DENND1A: variants seen among roughly 807,000 people sequenced by gnomAD.
The protein encoded by DENND1A is DENN domain containing 1A.
Under a neutral mutation model 113.7 loss-of-function variants are expected in DENND1A, and 51 were observed. The observed-to-expected ratio is 0.45, with a 90% confidence interval of 0.36 to 0.57. The LOEUF (loss-of-function observed/expected upper bound fraction) is 0.57. Among genes scored for constraint, DENND1A ranks in the 20% least tolerant of loss-of-function variants. The pLI is 0.00. For missense variants in DENND1A, 1,258 were observed against 1,395.9 expected (o/e 0.90, Z 1.57); for synonymous variants, 565 against 570.8 (o/e 0.99, Z 0.14).
At chr9:123,411,222 T>A (rs1156760986) in intron 20 of DENND1A, 2 of 152,076 alleles carry the variant, frequency 1.3e-5, no homozygotes, top group Non-Finnish European at 2.9e-5. Context: ...GCCTCCTGAG[T>A]AGCTAGGACT....
chr9:123,878,467 T>G lies in DENND1A; in HGVS notation c.88+484A>C, dbSNP rs147464358. Among the ~76,000 whole-genome samples the G allele has an allele frequency of 1.8e-3, 278 of 152,274 alleles. 1 individual carries two copies. Among genetic ancestry groups the G allele is most frequent in the Non-Finnish European group, 3.3e-3 (223 of 68,010 alleles). Reference sequence around the variant, plus strand: ...CAAAAGCTAAAGCCAGAGGAGGTGTTTCCTTCAACTAATTTTCAACCTTCT... The same window carrying G: ...CAAAAGCTAAAGCCAGAGGAGGTGTGTCCTTCAACTAATTTTCAACCTTCT... On this transcript the variant is annotated intron_variant, in intron 2 of 23. Transcript: ENST00000394215.
intron 2 of DENND1A, among the ~76,000 whole-genome samples, chr9:123,837,923 C>A (rs16926895): frequency 0.11 from 17,047 of 152,174 alleles, 1,066 homozygotes; most frequent in Admixed American, 0.13. Context: ...TCCTATGAAA[C>A]CTCTATGATG....
At chr9:123,582,645 C>T (rs1030372638) in intron 12 of DENND1A, among the ~76,000 whole-genome samples, 3 of 151,948 alleles carry the variant, frequency 2.0e-5, no homozygotes, top group Non-Finnish European at 2.9e-5. Flanking sequence ...ATGATCTGCC[C>T]GCCTTGGCCT....
chr9:123,401,904 A>G (rs1034952200), intron 21 of DENND1A: 1 of 1,614,004 alleles, frequency 6.2e-7, no homozygotes, highest in African/African-American at 1.3e-5. Context: ...TGGTGTTGCA[A>G]TGGTGTTTCT....
chr9:123,468,048 G>T lies in DENND1A; in HGVS notation c.994-10151C>A, dbSNP rs532977467. ...TAAATGTCTCCACCAACCACCACCTGTACCCAGGTGGACTGTCCCCAGCAC... is the reference window on the plus strand; with the variant it reads ...TAAATGTCTCCACCAACCACCACCTTTACCCAGGTGGACTGTCCCCAGCAC... On this transcript the variant is annotated intron_variant, in intron 13 of 23. Transcript: ENST00000394215. Among the ~76,000 whole-genome samples the T allele has an allele frequency of 1.3e-3, 194 of 152,194 alleles. 1 individual carries two copies. Among genetic ancestry groups the T allele is most frequent in the African/African-American group, 4.1e-3 (171 of 41,524 alleles).
chr9:123,921,369 A>G (rs1047548368), intron 1 of DENND1A, among the ~76,000 whole-genome samples: 1 of 152,190 alleles, frequency 6.6e-6, no homozygotes, highest in African/African-American at 2.4e-5. Flanking sequence ...GGGAGAATGT[A>G]TAGTTCTGGG....
At chr9:123,678,540 T>C (rs2064239886) in intron 5 of DENND1A, among the ~76,000 whole-genome samples, 1 of 152,250 alleles carries the variant, frequency 6.6e-6, no homozygotes, top group East Asian at 1.9e-4. Flanking sequence ...AGATGTGATA[T>C]CCTGCCAGGG....
At chr9:123,409,812 C>T (rs1357555067) in intron 20 of DENND1A, among the ~76,000 whole-genome samples, 1 of 152,148 alleles carries the variant, frequency 6.6e-6, no homozygotes, top group Non-Finnish European at 1.5e-5. Context: ...GAACCGTTGG[C>T]CGGGTGCGGT....
chr9:123,893,422 C>T (rs2536950), intron 1 of DENND1A, among the ~76,000 whole-genome samples: 13,141 of 152,234 alleles, frequency 0.086, 958 homozygotes, highest in African/African-American at 0.2. Flanking sequence ...GCAGGACATG[C>T]GATGCAAGAC....
intron 18 of DENND1A, among the ~76,000 whole-genome samples, chr9:123,446,836 G>A (rs1182840511): frequency 6.6e-6 from 1 of 152,078 alleles, no homozygotes; most frequent in African/African-American, 2.4e-5. Flanking sequence ...AAAAAGAAAA[G>A]AAGAAGATCA....
chr9:123,641,966 A>G (rs61119065), intron 9 of DENND1A, among the ~76,000 whole-genome samples: 14,557 of 152,194 alleles, frequency 0.096, 1,554 homozygotes, highest in African/African-American at 0.27. Context: ...ATCACTGACA[A>G]TCTGAATCCT....
Position 123,671,430 on chromosome 9 carries a change from T to C in DENND1A, c.373-59A>G, listed in dbSNP as rs542830897. The C allele has an allele frequency of 1.0e-4, 156 of 1,551,866 alleles. 2 individuals carry two copies. In the South Asian group the frequency reaches 1.7e-3, roughly 17 times the overall value. On this transcript the variant is annotated intron_variant, in intron 6 of 23. Transcript: ENST00000394215. Reference sequence around the variant, plus strand: ...AAGGCTGAGCCCTTAGTAAGATACCTGCAGGGAGGTCTGGGCACACATGAC... The same window carrying C: ...AAGGCTGAGCCCTTAGTAAGATACCCGCAGGGAGGTCTGGGCACACATGAC...
intron 5 of DENND1A, among the ~76,000 whole-genome samples, chr9:123,698,200 G>A (rs2065646725): frequency 6.6e-6 from 1 of 152,164 alleles, no homozygotes; most frequent in African/African-American, 2.4e-5. Flanking sequence ...AAAGTCCAAA[G>A]AACAAACCAA....
chr9:123,825,220 T>A (rs1839121116), intron 2 of DENND1A, among the ~76,000 whole-genome samples: 1 of 151,474 alleles, frequency 6.6e-6, no homozygotes, highest in Non-Finnish European at 1.5e-5. Flanking sequence ...AATACTACTA[T>A]ACATACATAA....
rs558378738 is a variant in DENND1A at position 123,382,444 on chromosome 9, C to G, written c.2201G>C (p.Arg734Thr). The G allele has an allele frequency of 6.2e-7, 1 of 1,611,326 alleles. No individual in the cohort carries two copies. Among genetic ancestry groups the G allele is most frequent in the Non-Finnish European group, 8.5e-7 (1 of 1,178,738 alleles). Reference sequence around the variant, plus strand: ...CAGGATGCTGTCCCGGTTCTGGGGCCTTCGAGGCAGGGCCAGGGAGTTTCC... The same window carrying G: ...CAGGATGCTGTCCCGGTTCTGGGGCGTTCGAGGCAGGGCCAGGGAGTTTCC... ...LLGNSLALPR[R>T]PQNRDSILNP... The change falls in exon 24 of 24, where the codon AGG (arginine) becomes ACG (threonine). Residue 734 changes from arginine (R) to threonine (T), a missense_variant. Around this residue, in one of 2 missense-constraint regions of DENND1A, gnomAD observed 1,159 missense variants for 1,231.7 expected, o/e 0.94. Transcript: ENST00000394215.
intron 1 of DENND1A, among the ~76,000 whole-genome samples, chr9:123,915,346 C>A (rs1345130610): frequency 5.3e-5 from 8 of 152,008 alleles, no homozygotes; most frequent in African/African-American, 1.7e-4. Context: ...TAATAACATT[C>A]CACTTTTAGA....
At chr9:123,886,609 A>T (rs1849133128) in intron 1 of DENND1A, among the ~76,000 whole-genome samples, 1 of 152,220 alleles carries the variant, frequency 6.6e-6, no homozygotes, top group Admixed American at 6.5e-5. Flanking sequence ...ACCACCTAAT[A>T]AACATTGAGT....
intron 21 of DENND1A, 135 bp downstream of exon 21, chr9:123,403,267 A>G: frequency 1.3e-6 from 1 of 796,310 alleles, no homozygotes; most frequent in Non-Finnish European, 2.1e-6. Context: ...TCCCTGAATG[A>G]CCCCTTTGTG....
chr9:123,462,549 C>T (rs536313293), intron 13 of DENND1A, among the ~76,000 whole-genome samples: 1 of 152,294 alleles, frequency 6.6e-6, no homozygotes, highest in Admixed American at 6.5e-5. Context: ...GTAATCTCAG[C>T]AATTTGGGAG....
Sources: gnomAD v4.1 joint callset for allele counts (sites outside exome capture counted in the v4.1 genomes callset) on GRCh38, gnomAD v4.1.1 for gene constraint, gnomAD v4.1.1 regional missense constraint, MANE v1.5 for transcripts, NCBI Gene and HGNC (gene_info 2026-07-23, HGNC 2026-07-21) for gene names.